Variants in ELF1 observed in about 807,000 individuals in gnomAD.
The protein encoded by ELF1 is ETS-related transcription factor Elf-1.
ELF1 carries 24 observed loss-of-function variants against 59.9 expected under a neutral mutation model. The observed-to-expected ratio is 0.40, with a 90% CI of 0.29 to 0.56. The LOEUF (loss-of-function observed/expected upper bound fraction) is 0.56, where lower values mean the gene tolerates loss of function less well. ELF1 is among the 20% of genes least tolerant of loss of function. The pLI is 0.44. For missense variants in ELF1, 627 were observed against 742.2 expected, an observed-to-expected ratio of 0.84 and a Z score of 1.80; for synonymous variants, 248 against 266.2, an observed-to-expected ratio of 0.93 and a Z score of 0.67.
chr13:40,942,797 C>CA (rs1348673987), intron 7 of ELF1, among the ~76,000 whole-genome samples, 155 bp downstream of exon 7: 2 of 152,186 alleles, frequency 1.3e-5, no homozygotes, highest in African/African-American at 2.4e-5. Context: ...GTTGGGATTA[C>CA]AGGCATGAGC....
At chr13:41,048,218 C>A (rs144923026) in intron 1 of ELF1, among the ~76,000 whole-genome samples, 2 of 152,216 alleles carry the variant, frequency 1.3e-5, no homozygotes, top group Admixed American at 6.5e-5. Context: ...TGACCCCTTG[C>A]GCTTCCAGGT....
chr13:40,940,197 C>T (rs896089376), intron 8 of ELF1, among the ~76,000 whole-genome samples: 5 of 152,148 alleles, frequency 3.3e-5, no homozygotes, highest in African/African-American at 1.2e-4. Flanking sequence ...TCTAGAAATT[C>T]ATGACAGTAT....
upstream of ELF1, among the ~76,000 whole-genome samples, chr13:41,019,981 C>T (rs533019747): frequency 6.6e-6 from 1 of 152,324 alleles, no homozygotes; most frequent in East Asian, 1.9e-4. Flanking sequence ...AAACTGCAAG[C>T]TTGATAAAAC....
At chr13:40,952,978 C>CTT (rs35370228) in intron 3 of ELF1, among the ~76,000 whole-genome samples, 2,172 of 141,960 alleles carry the variant, frequency 0.015, 43 homozygotes, top group Admixed American at 0.027. Context: ...AACAATAAAT[C>CTT]TTTTTTTTTT....
intron 1 of ELF1, among the ~76,000 whole-genome samples, chr13:41,048,224 C>G (rs1455443586): frequency 6.6e-6 from 1 of 152,226 alleles, no homozygotes; most frequent in Non-Finnish European, 1.5e-5. Context: ...CTTGCGCTTC[C>G]AGGTGAGGCG....
chr13:40,994,924 A>C (rs1000843954), intron 1 of ELF1, among the ~76,000 whole-genome samples: 2 of 152,150 alleles, frequency 1.3e-5, no homozygotes, highest in Non-Finnish European at 2.9e-5. Flanking sequence ...GATTCCCATT[A>C]GTAACTGTTT....
upstream of ELF1, among the ~76,000 whole-genome samples, chr13:41,023,862 T>C (rs1302721376): frequency 6.6e-6 from 1 of 152,222 alleles, no homozygotes; most frequent in African/African-American, 2.4e-5. Context: ...TGAGTGACTT[T>C]CCTAAAACTG....
At chr13:41,037,111 A>G (rs1329803118) in intron 1 of ELF1, among the ~76,000 whole-genome samples, 1 of 151,726 alleles carries the variant, frequency 6.6e-6, no homozygotes, top group Non-Finnish European at 1.5e-5. Flanking sequence ...AATAAAATAT[A>G]TATATATATT....
chr13:41,033,398 C>A (rs756236681), intron 1 of ELF1, among the ~76,000 whole-genome samples: 8 of 152,152 alleles, frequency 5.3e-5, no homozygotes, highest in Non-Finnish European at 8.8e-5. Context: ...TTCTCAAATA[C>A]ATAACGAAAA....
chr13:40,965,092 C>T (rs570008726), intron 2 of ELF1, among the ~76,000 whole-genome samples: 26 of 152,192 alleles, frequency 1.7e-4, no homozygotes, highest in African/African-American at 6.3e-4. Context: ...TCCCTCTGCC[C>T]GAAATAACTT....
At chr13:41,053,166 C>A (rs1207657342) in intron 1 of ELF1, among the ~76,000 whole-genome samples, 1 of 151,950 alleles carries the variant, frequency 6.6e-6, no homozygotes, top group Non-Finnish European at 1.5e-5. Context: ...CCAGCCTGGC[C>A]AATACAGTGA....
At chr13:40,983,018 A>T (rs1163811613) in intron 1 of ELF1, 1 of 233,724 alleles carries the variant, frequency 4.3e-6, no homozygotes, top group Non-Finnish European at 7.0e-6. Context: ...AGAAAAACAG[A>T]AACGCAACTT....
chr13:40,985,898 A>G (rs775660374), intron 1 of ELF1, among the ~76,000 whole-genome samples: 1 of 152,182 alleles, frequency 6.6e-6, no homozygotes, highest in Non-Finnish European at 1.5e-5. Context: ...TCAAAGTGTC[A>G]GTCTTTATAA....
chr13:40,974,560 T>C (rs372878700), intron 2 of ELF1, among the ~76,000 whole-genome samples: 1 of 152,162 alleles, frequency 6.6e-6, no homozygotes, highest in South Asian at 2.1e-4. Flanking sequence ...TAAAGCACAG[T>C]GCATGGGGCA....
chr13:40,979,424 A>G (rs539056952), intron 2 of ELF1, among the ~76,000 whole-genome samples: 37 of 152,334 alleles, frequency 2.4e-4, no homozygotes, highest in Middle Eastern at 3.4e-3. Context: ...AGTCACAGAG[A>G]TAATAAGCAG....
At chr13:40,990,089 A>C (rs551536150) in intron 1 of ELF1, among the ~76,000 whole-genome samples, 2 of 152,342 alleles carry the variant, frequency 1.3e-5, no homozygotes, top group Middle Eastern at 3.4e-3. Context: ...ATAATTTTAC[A>C]AAACCAAACA....
intron 1 of ELF1, among the ~76,000 whole-genome samples, chr13:41,000,778 T>C (rs1874387198): frequency 6.6e-6 from 1 of 152,198 alleles, no homozygotes; most frequent in Non-Finnish European, 1.5e-5. Flanking sequence ...TACTGCTTTT[T>C]ATTTAATCCT....
intron 1 of ELF1, among the ~76,000 whole-genome samples, chr13:41,052,948 G>C (rs1877142379): frequency 6.6e-6 from 1 of 152,090 alleles, no homozygotes; most frequent in Non-Finnish European, 1.5e-5. Context: ...ATTTTGAAAA[G>C]TTACCCACAA....
At chr13:40,942,852 T>C in intron 7 of ELF1, 100 bp downstream of exon 7, 2 of 1,221,122 alleles carry the variant, frequency 1.6e-6, no homozygotes, top group Non-Finnish European at 2.2e-6. Flanking sequence ...TGTATTTGCA[T>C]TACCACTATT....
Sources: gnomAD v4.1 joint callset for allele counts (sites outside exome capture counted in the v4.1 genomes callset) on GRCh38, gnomAD v4.1.1 for gene constraint, MANE v1.5 for transcripts, NCBI Gene and HGNC (gene_info 2026-07-23, HGNC 2026-07-21) for gene names.